NRDE2: variants seen among roughly 807,000 people sequenced by gnomAD.
NRDE2 encodes nuclear exosome regulator NRDE2.
In NRDE2, 76 loss-of-function variants were observed where a neutral mutation model predicts 124.2. That is an observed-to-expected ratio of 0.61 (90% confidence interval 0.51 to 0.74). NRDE2 has a LOEUF of 0.74. Ranked by LOEUF, NRDE2 falls within the 30% of genes least tolerant of loss-of-function variation. The pLI, the probability that NRDE2 is intolerant of heterozygous loss-of-function variation, is 0.00. For synonymous variants in NRDE2, 489 were observed against 528.1 expected (o/e 0.93, Z 1.01); for missense variants, 1,314 against 1,417.3 (o/e 0.93, Z 1.17).
rs770635151 is a variant in NRDE2, at chr14:90,288,298, C to T, written c.3077G>A (p.Arg1026Lys). 9.9e-6 allele frequency: 16 copies of T among 1,614,054 alleles called. No individual in the cohort carries two copies. Among genetic ancestry groups the T allele is most frequent in the African/African-American group, 8.0e-5 (6 of 74,924 alleles). ...KTRRFFDTIT[R>K]SAKPLEPWLF... is the part of the protein sequence containing the mutation. ...CCAAGGCTCCAAGGGTTTGGCAGACCTGGTGATTGTGTCAAAAAATCTCCT... is the reference window on the plus strand; with the variant it reads ...CCAAGGCTCCAAGGGTTTGGCAGACTTGGTGATTGTGTCAAAAAATCTCCT... The change falls in exon 11 of 14, where the codon AGG (arginine) becomes AAG (lysine). Residue 1026 changes from arginine (R) to lysine (K), a missense_variant. Coordinates refer to ENST00000354366, the MANE Select transcript of NRDE2 (RefSeq NM_017970.4).
chr14:90,313,899 T>C (rs1481874178), intron 3 of NRDE2, among the ~76,000 whole-genome samples: 1 of 152,220 alleles, frequency 6.6e-6, no homozygotes, highest in Non-Finnish European at 1.5e-5. Context: ...TTTTAACACA[T>C]TTCCCAACTG....
Position 90,304,294 on chromosome 14 carries a change from A to G in NRDE2, c.646T>C (p.Ser216Pro), listed in dbSNP as rs561121483. 7 of 1,614,162 alleles carry G rather than the reference A, an allele frequency of 4.3e-6. No homozygotes were observed. In the East Asian group the frequency reaches 1.6e-4, roughly 36 times the overall value. Reference sequence around the variant, plus strand: ...AAATAGCGTTCAACCTGCTTGCGTGAATGCTTCTTCTCTGTGGAAGTCCCT... The same window carrying G: ...AAATAGCGTTCAACCTGCTTGCGTGGATGCTTCTTCTCTGTGGAAGTCCCT... ...WEGTSTEKKH[S>P]RKQVERYFTK... The change falls in exon 5 of 14, where the codon TCA becomes CCA. Residue 216 changes from serine (S) to proline (P), a missense_variant. Physicochemically the swap from Ser to Pro is moderately conservative, Grantham distance 74. Transcript: ENST00000354366.
chr14:90,307,747 C>G (rs926796474), intron 4 of NRDE2, among the ~76,000 whole-genome samples: 1 of 152,144 alleles, frequency 6.6e-6, no homozygotes, highest in African/African-American at 2.4e-5. Flanking sequence ...GCCACTGCAC[C>G]CAACTACAGA....
chr14:90,302,727 G>A lies in NRDE2; in HGVS notation c.1404C>T (p.Ala468=), dbSNP rs913528366. The A allele has an allele frequency of 6.2e-7, 1 of 1,604,262 alleles. No individual in the cohort carries two copies. Among genetic ancestry groups the A allele is most frequent in the Non-Finnish European group, 8.5e-7 (1 of 1,174,616 alleles). ...SHPALPGTEE[A]MFALFLQQCH... ...ATCTGGTTATCTCCTTACCAAACAT[G>A]GCCTCTTCCGTGCCAGGCAACGCAG... The change falls in exon 6 of 14, where the codon GCC becomes GCT. Residue 468 remains alanine (A), a synonymous_variant. Transcript: ENST00000354366.
chr14:90,296,564 G>C (rs1227708142), intron 8 of NRDE2, among the ~76,000 whole-genome samples: 1 of 152,148 alleles, frequency 6.6e-6, no homozygotes, highest in African/African-American at 2.4e-5. Context: ...GAACTGTCGT[G>C]CAAGACAATA....
intron 12 of NRDE2, chr14:90,280,719 G>GAA (rs1182895556): frequency 1.3e-5 from 2 of 152,286 alleles, no homozygotes; most frequent in African/African-American, 4.8e-5. Flanking sequence ...TCGAGGGAGG[G>GAA]AAGAGTTCAT....
chr14:90,316,553 T>C (rs368558480), intron 3 of NRDE2, 25 bp downstream of exon 3: 1 of 1,503,866 alleles, frequency 6.6e-7, no homozygotes, highest in Non-Finnish European at 9.1e-7. Flanking sequence ...TAAAATATCA[T>C]AGGTGCTTGA....
In NRDE2 at chr14:90,308,819, C is replaced by T. The variant is rs575338351; in HGVS notation, c.557+3575G>A. 3.9e-5 allele frequency among the ~76,000 whole-genome samples: 6 copies of T among 152,208 alleles called. No individual in the cohort carries two copies. In the South Asian group the frequency reaches 6.2e-4, roughly 16 times the overall value. On this transcript the variant is annotated intron_variant, in intron 4 of 13. Transcript: ENST00000354366. Reference sequence around the variant, plus strand: ...CACAAGCATGCACAGATGAATCAAGCGTGCCCAATTGGTGACCCCAAAGCC... The same window carrying T: ...CACAAGCATGCACAGATGAATCAAGTGTGCCCAATTGGTGACCCCAAAGCC...
rs2139676557 is a variant in NRDE2 at position 90,290,419 on chromosome 14, C to T, written c.2031G>A (p.Leu677=). 1 of 1,614,070 alleles carries T rather than the reference C, an allele frequency of 6.2e-7. No individual in the cohort carries two copies. The highest frequency in any genetic ancestry group is 1.1e-5 in the South Asian group (1 of 91,076). ...FDNGLYDEKP[L]TFFNPLFSGA... ...CAGAAAACAAAGGGTTGAAAAAAGT[C>T]AAGGGCTTTTCATCATAAAGTCCAT... The change falls in exon 10 of 14, where the codon TTG becomes TTA. Residue 677 remains leucine (L), a synonymous_variant. Coordinates refer to ENST00000354366, the MANE Select transcript of NRDE2 (RefSeq NM_017970.4).
At chr14:90,319,898 C>T (rs60452283) in intron 1 of NRDE2, among the ~76,000 whole-genome samples, 5,140 of 152,252 alleles carry the variant, frequency 0.034, 266 homozygotes, top group African/African-American at 0.12. Context: ...TGAGGAAATG[C>T]CAGATTGTTT....
intron 8 of NRDE2, among the ~76,000 whole-genome samples, chr14:90,296,586 GT>G (rs2139682496): frequency 6.6e-6 from 1 of 152,264 alleles, no homozygotes; most frequent in African/African-American, 2.4e-5. Context: ...CTAATCCAAA[GT>G]TTTCATGGTG....
rs763653435 is a variant in NRDE2 at position 90,288,814 on chromosome 14, G to A, written c.2561C>T (p.Thr854Ile). ...GTAGGGCCCATAGGGGCTGCTCTCA[G>A]TCAGCTTGGTTAATATGTGAACAGC... Reference protein sequence around the residue: ...ARAVHILTKLTESSPYGPYTG... With the variant: ...ARAVHILTKLIESSPYGPYTG... The change falls in exon 11 of 14, where the codon ACT (threonine) becomes ATT (isoleucine). Residue 854 changes from threonine (T) to isoleucine (I), a missense_variant. By Grantham distance (89) the Thr-to-Ile change is moderately conservative. Transcript: ENST00000354366. The A allele has an allele frequency of 2.5e-6, 4 of 1,614,156 alleles. No homozygotes were observed. Among genetic ancestry groups the A allele is most frequent in the Non-Finnish European group, 3.4e-6 (4 of 1,180,038 alleles).
At position 90,303,115 on chromosome 14, in the gene NRDE2, A is replaced by G. The variant is rs763291260; in HGVS notation, c.1016T>C (p.Met339Thr). 3 of 1,612,580 alleles carry G rather than the reference A, an allele frequency of 1.9e-6. No individual in the cohort carries two copies. The Admixed American group carries it at 5.0e-5, about 27-fold the overall frequency. The change falls in exon 6 of 14, where the codon ATG (methionine) becomes ACG (threonine). Residue 339 changes from methionine (M) to threonine (T), a missense_variant. Coordinates refer to ENST00000354366, the MANE Select transcript of NRDE2 (RefSeq NM_017970.4). ...GATGGCATACAGGCCAGGACTTTTC[A>G]TGACCTCGTCCTCAACAACAAAAAC... ...MAFVAFQDEV[M>T]KSPGLYAIEE... is the part of the protein sequence containing the mutation.
chr14:90,299,930 G>A (rs1317118381), intron 7 of NRDE2, among the ~76,000 whole-genome samples: 9 of 152,142 alleles, frequency 5.9e-5, no homozygotes, highest in African/African-American at 1.7e-4. Context: ...CGGTAACAAC[G>A]TCTCTCAGTT....
chr14:90,320,953 G>A (rs1279246277), intron 1 of NRDE2, among the ~76,000 whole-genome samples: 2 of 152,104 alleles, frequency 1.3e-5, no homozygotes, highest in Non-Finnish European at 2.9e-5. Context: ...TTCTGAGGTT[G>A]GTTCCCTTCA....
intron 12 of NRDE2, chr14:90,281,311 A>T (rs1329873455): frequency 6.6e-6 from 1 of 152,524 alleles, no homozygotes; most frequent in Non-Finnish European, 1.5e-5. Context: ...CTGTGGTCCC[A>T]GCTAAGGTGT....
chr14:90,296,881 G>A (rs141805190), intron 8 of NRDE2, among the ~76,000 whole-genome samples: 2 of 152,168 alleles, frequency 1.3e-5, no homozygotes, highest in East Asian at 3.9e-4. Context: ...GCTCACATCG[G>A]AAATCCCAGC....
intron 12 of NRDE2, among the ~76,000 whole-genome samples, chr14:90,285,385 T>C (rs1892075206): frequency 7.3e-6 from 1 of 137,398 alleles, no homozygotes; most frequent in African/African-American, 2.7e-5. Context: ...CACTGCAGCC[T>C]CTGCCTCCCG....
At chr14:90,327,903 G>T (rs1312741106) in intron 1 of NRDE2, among the ~76,000 whole-genome samples, 5 of 152,144 alleles carry the variant, frequency 3.3e-5, no homozygotes, top group African/African-American at 1.2e-4. Flanking sequence ...CAGCACTTTG[G>T]GAGGCAGAGG....
Sources: gnomAD v4.1 joint callset for allele counts (sites outside exome capture counted in the v4.1 genomes callset) on GRCh38, gnomAD v4.1.1 for gene constraint, MANE v1.5 for transcripts, NCBI Gene and HGNC (gene_info 2026-07-23, HGNC 2026-07-21) for gene names.